Variants in IGF2BP3 observed in about 807,000 individuals in gnomAD.
IGF2BP3 encodes the protein insulin-like growth factor 2 mRNA-binding protein 3.
IGF2BP3 carries 9 observed loss-of-function variants against 73.8 expected under a neutral mutation model. The ratio of observed to expected loss-of-function variants is 0.12; its 90% confidence interval spans 0.07 to 0.21. The LOEUF is 0.21. Ranked by LOEUF, IGF2BP3 falls within the 10% of genes least tolerant of loss-of-function variation. The pLI is 1.00. For synonymous variants in IGF2BP3, 258 were observed against 256.7 expected (o/e 1.01, Z -0.05); for missense variants, 542 against 714.0 (o/e 0.76, Z 2.75).
At chr7:23,405,869 C>G (rs1584001520) in intron 3 of IGF2BP3, among the ~76,000 whole-genome samples, 1 of 152,116 alleles carries the variant, frequency 6.6e-6, no homozygotes, top group South Asian at 2.1e-4. Flanking sequence ...AAAGAATTCG[C>G]CTTCACTGAT....
At chr7:23,359,095 C>T (rs1266862456) in intron 5 of IGF2BP3, among the ~76,000 whole-genome samples, 2 of 152,188 alleles carry the variant, frequency 1.3e-5, no homozygotes, top group Admixed American at 1.3e-4. Context: ...TTTCCTTCCT[C>T]CTTGGGATCA....
chr7:23,443,432 G>A (rs1479169073), intron 2 of IGF2BP3, among the ~76,000 whole-genome samples: 1 of 151,930 alleles, frequency 6.6e-6, no homozygotes, highest in East Asian at 1.9e-4. Context: ...GCCTATTTTT[G>A]TATATTTTAG....
chr7:23,440,737 C>T (rs1305732384), intron 2 of IGF2BP3, among the ~76,000 whole-genome samples: 2 of 152,182 alleles, frequency 1.3e-5, no homozygotes, highest in African/African-American at 4.8e-5. Context: ...CATATCAGGT[C>T]ATTTTTATTT....
intron 3 of IGF2BP3, among the ~76,000 whole-genome samples, chr7:23,380,644 T>C (rs917467574): frequency 6.6e-6 from 1 of 152,226 alleles, no homozygotes; most frequent in African/African-American, 2.4e-5. Flanking sequence ...CTTGGTTAAC[T>C]CCCTGTACTG....
chr7:23,455,357 G>C (rs1250429666), intron 2 of IGF2BP3, among the ~76,000 whole-genome samples: 1 of 152,100 alleles, frequency 6.6e-6, no homozygotes, highest in Non-Finnish European at 1.5e-5. Flanking sequence ...ACATGAGGTG[G>C]CTCCTGCTGT....
At chr7:23,355,283 G>A (rs746920955) in intron 5 of IGF2BP3, among the ~76,000 whole-genome samples, 8 of 150,374 alleles carry the variant, frequency 5.3e-5, no homozygotes, top group African/African-American at 2.0e-4. Flanking sequence ...GCGCAATGAC[G>A]CGATCTCGGC....
chr7:23,410,617 T>G (rs1786988936), intron 3 of IGF2BP3, among the ~76,000 whole-genome samples: 2 of 152,228 alleles, frequency 1.3e-5, no homozygotes, highest in Non-Finnish European at 2.9e-5. Context: ...CAGCCATGCA[T>G]GAAGAACTCT....
chr7:23,382,963 C>G (rs960081234), intron 3 of IGF2BP3, among the ~76,000 whole-genome samples: 6 of 145,852 alleles, frequency 4.1e-5, no homozygotes. Flanking sequence ...GATGCAGCTT[C>G]TTGGGAGGCT....
At chr7:23,378,288 T>A (rs1483081179) in intron 3 of IGF2BP3, among the ~76,000 whole-genome samples, 1 of 150,864 alleles carries the variant, frequency 6.6e-6, no homozygotes, top group Non-Finnish European at 1.5e-5. Context: ...AAGGAGTATA[T>A]AATTTTAGAA....
intron 3 of IGF2BP3, among the ~76,000 whole-genome samples, chr7:23,376,761 G>C (rs1469835573): frequency 6.6e-6 from 1 of 152,062 alleles, no homozygotes; most frequent in Non-Finnish European, 1.5e-5. Context: ...CCAGCTACAC[G>C]ACAGGCTGAG....
intron 10 of IGF2BP3, among the ~76,000 whole-genome samples, chr7:23,322,596 A>G (rs962443517): frequency 3.5e-4 from 53 of 152,302 alleles, no homozygotes; most frequent in Non-Finnish European, 4.6e-4. Context: ...CCTCGAGAAG[A>G]GCAACTCCAA....
chr7:23,310,852 T>TA lies in IGF2BP3; in HGVS notation c.*1509dup, dbSNP rs1783806070. The TA allele has an allele frequency of 3.9e-5, 6 of 152,190 alleles. No individual in the cohort carries two copies. Among genetic ancestry groups the TA allele is most frequent in the Admixed American group, 3.9e-4 (6 of 15,280 alleles). 9.4% of individuals were successfully genotyped at this position (152,190 alleles called of 1,614,324 possible). ...CAGTGTAACATGACTGTGATCATCT[T>TA]ACAAACAAAACTCAAAAAATCAATT... On this transcript the variant is annotated 3_prime_UTR_variant, in exon 15 of 15. Coordinates refer to ENST00000258729, the MANE Select transcript of IGF2BP3 (RefSeq NM_006547.3).
intron 2 of IGF2BP3, among the ~76,000 whole-genome samples, chr7:23,452,958 A>G (rs138414794): frequency 0.012 from 1,792 of 151,998 alleles, 42 homozygotes; most frequent in African/African-American, 0.041. Flanking sequence ...CTAAAAATAC[A>G]AAAATTAGCT....
chr7:23,418,136 T>G (rs1326374084), intron 3 of IGF2BP3, among the ~76,000 whole-genome samples: 3 of 152,172 alleles, frequency 2.0e-5, no homozygotes, highest in African/African-American at 7.2e-5. Flanking sequence ...TAGAGATACA[T>G]AAAAGCTAAG....
chr7:23,456,879 T>C (rs1788334043), intron 2 of IGF2BP3, among the ~76,000 whole-genome samples: 1 of 151,710 alleles, frequency 6.6e-6, no homozygotes, highest in African/African-American at 2.4e-5. Context: ...GTGAACCCCG[T>C]CTCTACTAAA....
chr7:23,408,091 G>T (rs533128431), intron 3 of IGF2BP3, among the ~76,000 whole-genome samples: 2 of 151,984 alleles, frequency 1.3e-5, no homozygotes, highest in African/African-American at 2.4e-5. Flanking sequence ...ACTAGAAACA[G>T]AAGGCAATGT....
chr7:23,337,395 T>C (rs904832939), intron 10 of IGF2BP3, among the ~76,000 whole-genome samples: 1 of 152,212 alleles, frequency 6.6e-6, no homozygotes, highest in African/African-American at 2.4e-5. Flanking sequence ...AGAATTTAGA[T>C]TCTGCTTTTT....
At chr7:23,428,741 A>G (rs1191646588) in intron 2 of IGF2BP3, among the ~76,000 whole-genome samples, 1 of 151,022 alleles carries the variant, frequency 6.6e-6, no homozygotes. Flanking sequence ...AAAAAAAAAA[A>G]AAGGAGTCCA....
chr7:23,459,812 C>T (rs1201515572), intron 2 of IGF2BP3, among the ~76,000 whole-genome samples: 1 of 151,910 alleles, frequency 6.6e-6, no homozygotes, highest in Non-Finnish European at 1.5e-5. Context: ...GCCTGGGCAA[C>T]AAAGTGAGAT....
Sources: gnomAD v4.1 joint callset for allele counts (sites outside exome capture counted in the v4.1 genomes callset) on GRCh38, gnomAD v4.1.1 for gene constraint, MANE v1.5 for transcripts, NCBI Gene and HGNC (gene_info 2026-07-23, HGNC 2026-07-21) for gene names.